Variants in SOSTDC1 observed in about 807,000 individuals in gnomAD.
SOSTDC1 encodes sclerostin domain containing 1.
A neutral mutation model predicts 15.1 loss-of-function variants in SOSTDC1; 7 were observed. That is an observed-to-expected ratio of 0.46 (90% confidence interval 0.26 to 0.87). The LOEUF (loss-of-function observed/expected upper bound fraction) is 0.87. Among genes scored for constraint, SOSTDC1 ranks in the 40% least tolerant of loss-of-function variants. The pLI, the probability that SOSTDC1 is intolerant of heterozygous loss-of-function variation, is 0.15. For missense variants in SOSTDC1, 242 were observed against 259.2 expected, an observed-to-expected ratio of 0.93 and a Z score of 0.46; for synonymous variants, 94 against 93.2, an observed-to-expected ratio of 1.01 and a Z score of -0.05.
intron 1 of SOSTDC1, among the ~76,000 whole-genome samples, chr7:16,464,745 A>G (rs990721120): frequency 2.6e-5 from 4 of 152,076 alleles, no homozygotes; most frequent in African/African-American, 9.7e-5. Flanking sequence ...GGGTAATTTG[A>G]ATCCCCCTAA....
Position 16,462,633 on chromosome 7 carries a change from A to G in SOSTDC1, c.536T>C (p.Phe179Ser). 1 of 1,614,146 alleles carries G rather than the reference A, an allele frequency of 6.2e-7. No homozygotes were observed. The highest frequency in any genetic ancestry group is 8.5e-7 in the Non-Finnish European group (1 of 1,180,008). ...TGGCTTGGCAGGTGACATGCTCTCA[A>G]AGTTGTGACTGGACTCGTTGTGCTG... is the stretch of plus-strand genomic sequence containing the variant. ...TRQHNESSHN[F>S]ESMSPAKPVQ... Residue 179 changes from phenylalanine (F) to serine (S), a missense_variant, in exon 2 of 2, where the codon TTT (phenylalanine) becomes TCT (serine). By Grantham distance (155) the Phe-to-Ser change is radical (BLOSUM62 -2). Transcript: ENST00000307068.
chr7:16,464,342 CCTG>C, intron 1 of SOSTDC1: 3 of 1,550,360 alleles, frequency 1.9e-6, no homozygotes, highest in Non-Finnish European at 2.6e-6. Flanking sequence ...CAGGAATGCA[CCTG>C]GAAATAGCCA....
chr7:16,464,096 A>G (rs557746960), intron 1 of SOSTDC1, among the ~76,000 whole-genome samples: 2 of 152,332 alleles, frequency 1.3e-5, no homozygotes, highest in African/African-American at 4.8e-5. Context: ...GTACTGAAAG[A>G]TACGTCGAAG....
intron 1 of SOSTDC1, 129 bp from the exon 2 acceptor site, chr7:16,463,092 T>A (rs1781239223): frequency 1.1e-6 from 1 of 895,006 alleles, no homozygotes; most frequent in African/African-American, 1.7e-5. Context: ...GAGCACCTAC[T>A]TTATTTTCAC....
At chr7:16,463,775 G>T (rs544648530) in intron 1 of SOSTDC1, among the ~76,000 whole-genome samples, 1 of 151,930 alleles carries the variant, frequency 6.6e-6, no homozygotes, top group African/African-American at 2.4e-5. Flanking sequence ...AAGGAACCAC[G>T]GTGTTCATTT....
At position 16,461,984 on chromosome 7, in the gene SOSTDC1, A is replaced by G. The variant is rs1302253401; in HGVS notation, c.*564T>C. 2.0e-5 allele frequency: 3 copies of G among 152,870 alleles called. No individual in the cohort carries two copies. Among genetic ancestry groups the G allele is most frequent in the Non-Finnish European group, 4.4e-5 (3 of 68,256 alleles). 9.5% of individuals were successfully genotyped at this position (152,870 alleles called of 1,614,324 possible). A position where few individuals can be genotyped will look rare whatever the true frequency, so the allele number is the denominator to read the frequency against. Reference sequence around the variant, plus strand: ...GTCAGCATGCAGGGTATAATTTCATACTATGCGACCGTAAAGAGCTACAGG... The same window carrying G: ...GTCAGCATGCAGGGTATAATTTCATGCTATGCGACCGTAAAGAGCTACAGG... On this transcript the variant is annotated 3_prime_UTR_variant, in exon 2 of 2. Transcript: ENST00000307068.
At chr7:16,464,685 A>G (rs1049027449) in intron 1 of SOSTDC1, among the ~76,000 whole-genome samples, 2 of 149,394 alleles carry the variant, frequency 1.3e-5, no homozygotes. Context: ...TTAAAACCTG[A>G]TTATTAGCAT....
At chr7:16,464,377 G>T (rs1272475790) in intron 1 of SOSTDC1, 12 of 1,550,362 alleles carry the variant, frequency 7.7e-6, no homozygotes, top group Non-Finnish European at 9.6e-6. Context: ...GTCTCGTCAA[G>T]CTTTCTGTTC....
intron 1 of SOSTDC1, among the ~76,000 whole-genome samples, chr7:16,464,928 T>C (rs1219604658): frequency 3.9e-5 from 6 of 152,346 alleles, no homozygotes; most frequent in Admixed American, 3.9e-4. Flanking sequence ...CTCTTTTACA[T>C]TGAGCATCAT....
chr7:16,464,138 T>C (rs550949331), intron 1 of SOSTDC1, among the ~76,000 whole-genome samples: 103 of 152,336 alleles, frequency 6.8e-4, no homozygotes, highest in African/African-American at 2.4e-3. Context: ...ACTTCATCTC[T>C]GTATGCTAGT....
chr7:16,463,300 T>G (rs1781243174), intron 1 of SOSTDC1, among the ~76,000 whole-genome samples: 1 of 152,226 alleles, frequency 6.6e-6, no homozygotes, highest in Admixed American at 6.5e-5. Context: ...CTCTTCCATT[T>G]ATGTGTAAAT....
At position 16,465,566 on chromosome 7, in the gene SOSTDC1, G is replaced by T. The variant is rs776665358; in HGVS notation, c.103C>A (p.His35Asn). The T allele has an allele frequency of 6.2e-7, 1 of 1,614,014 alleles. No individual in the cohort carries two copies. The highest frequency in any genetic ancestry group is 1.3e-5 in the African/African-American group (1 of 74,930). Residue 35 changes from histidine to asparagine, a missense_variant, in exon 1 of 2, where the codon CAT becomes AAT. His to Asn is a moderately conservative substitution (Grantham distance 68). Transcript: ENST00000307068. ...KNDATEILYS[H>N]VVKPVPAHPS... ...TGTGCTGGAACAGGTTTAACCACAT[G>T]TGAATAAAGGATTTCTGTGGCATCA...
chr7:16,463,999 GA>G (rs879543604), intron 1 of SOSTDC1, among the ~76,000 whole-genome samples: 93 of 142,406 alleles, frequency 6.5e-4, no homozygotes, highest in Middle Eastern at 7.4e-3. Flanking sequence ...TGCCAACCAG[GA>G]AAAAAAAAAA....
Position 16,462,596 on chromosome 7 carries a change from G to A in SOSTDC1, c.573C>T (p.His191=), listed in dbSNP as rs1781229283. Residue 191 remains histidine (H), a synonymous_variant, in exon 2 of 2, where the codon CAC becomes CAT. Transcript: ENST00000307068. ...SMSPAKPVQH[H]RERKRASKSS... ...ATTTGCTGGCTCTTTTCCGCTCTCT[G>A]TGATGCTGGACTGGCTTGGCAGGTG... 6.2e-7 allele frequency: 1 copy of A among 1,614,076 alleles called. No homozygotes were observed.
chr7:16,465,492 A>G lies in SOSTDC1; in HGVS notation c.177T>C (p.His59=), dbSNP rs199505711. The change falls in exon 1 of 2, where the codon CAT becomes CAC. Residue 59 remains histidine (H), a synonymous_variant. Coordinates refer to ENST00000307068, the MANE Select transcript of SOSTDC1 (RefSeq NM_015464.3). The stretch of plus-strand genomic sequence containing the variant: ...TCCGATCCAGTCCAGTGTTACTGAA[A>G]TGCCTGCCTCCATTTCTGGCTTGAT... ...TLNQARNGGR[H]FSNTGLDRNT... is the part of the protein sequence containing the mutation. 6.2e-7 allele frequency: 1 copy of G among 1,614,120 alleles called. No individual in the cohort carries two copies. The highest frequency in any genetic ancestry group is 8.5e-7 in the Non-Finnish European group (1 of 1,179,996).
Position 16,462,755 on chromosome 7 carries a change from G to A in SOSTDC1, c.414C>T (p.Thr138=), listed in dbSNP as rs774009279. 1 of 1,614,122 alleles carries A rather than the reference G, an allele frequency of 6.2e-7. No individual in the cohort carries two copies. Among genetic ancestry groups the A allele is most frequent in the Non-Finnish European group, 8.5e-7 (1 of 1,180,022 alleles). Reference sequence around the variant, plus strand: ...ACTGCAGCTGGATTCTCTGGGTACGGGTTTTGTCATTGACACACCGCCACT... The same window carrying A: ...ACTGCAGCTGGATTCTCTGGGTACGAGTTTTGTCATTGACACACCGCCACT... ...SQEWRCVNDK[T]RTQRIQLQCQ... is the part of the protein sequence containing the mutation. Residue 138 remains threonine (T), a synonymous_variant, in exon 2 of 2, where the codon ACC becomes ACT. Transcript: ENST00000307068.
rs537970981 is a variant in SOSTDC1, at chr7:16,464,291, G to A, written c.205+1173C>T. 1.2e-4 allele frequency: 181 copies of A among 1,507,136 alleles called. No homozygotes were observed. The South Asian group carries it at 1.3e-3, about 11-fold the overall frequency. 93.4% of individuals were successfully genotyped at this position (1,507,136 alleles called of 1,614,324 possible). The stretch of plus-strand genomic sequence containing the variant: ...TGTTTGGTTGGACAGTGTGCTCAGC[G>A]TGCCTGATTCTGCCTCCAGCTCACC... On this transcript the variant is annotated intron_variant, in intron 1 of 1. Coordinates refer to ENST00000307068, the MANE Select transcript of SOSTDC1 (RefSeq NM_015464.3).
Position 16,462,709 on chromosome 7 carries a change from T to G in SOSTDC1, c.460A>C (p.Thr154Pro). 1 of 1,614,186 alleles carries G rather than the reference T, an allele frequency of 6.2e-7. No homozygotes were observed. Among genetic ancestry groups the G allele is most frequent in the Non-Finnish European group, 8.5e-7 (1 of 1,180,032 alleles). ...QLQCQDGSTRTYKITVVTACK... is the reference protein window; with the variant it reads ...QLQCQDGSTRPYKITVVTACK... ...GCAGTGACTACTGTGATTTTGTAGG[T>G]GCGTGTGCTGCCATCTTGGCACTGC... The change falls in exon 2 of 2, where the codon ACC becomes CCC. Residue 154 changes from threonine (T) to proline (P), a missense_variant. Coordinates refer to ENST00000307068, the MANE Select transcript of SOSTDC1 (RefSeq NM_015464.3).
At position 16,465,528 on chromosome 7, in the gene SOSTDC1, G is replaced by A. The variant is rs1310215240; in HGVS notation, c.141C>T (p.Asn47=). The change falls in exon 1 of 2, where the codon AAC becomes AAT. Residue 47 remains asparagine, a synonymous_variant. Coordinates refer to ENST00000307068, the MANE Select transcript of SOSTDC1 (RefSeq NM_015464.3). The part of the protein sequence containing the change: ...VKPVPAHPSS[N]STLNQARNGG... ...CATTTCTGGCTTGATTCAACGTGCTGTTGCTGCTGGGGTGTGCTGGAACAG... is the reference window on the plus strand; with the variant it reads ...CATTTCTGGCTTGATTCAACGTGCTATTGCTGCTGGGGTGTGCTGGAACAG... 2 of 1,614,016 alleles carry A rather than the reference G, an allele frequency of 1.2e-6. No homozygotes were observed. Among genetic ancestry groups the A allele is most frequent in the Admixed American group, 1.7e-5 (1 of 59,992 alleles).
Sources: allele counts gnomAD v4.1 joint callset (sites outside exome capture counted in the v4.1 genomes callset), GRCh38; gene constraint gnomAD v4.1.1; transcripts MANE v1.5; gene names NCBI Gene and HGNC (gene_info 2026-07-23, HGNC 2026-07-21).